The following PLEKHA4 variants were observed in gnomAD, a reference collection of about 807,000 sequenced individuals.
PLEKHA4 encodes the protein pleckstrin homology domain-containing family A member 4.
A neutral mutation model predicts 94.7 loss-of-function variants in PLEKHA4; 73 were observed. The ratio of observed to expected loss-of-function variants is 0.77; its 90% CI spans 0.64 to 0.94. PLEKHA4 has a LOEUF of 0.94. Among genes scored for constraint, PLEKHA4 ranks in the 40% least tolerant of loss-of-function variants. The pLI, the probability that PLEKHA4 is intolerant of heterozygous loss-of-function variation, is 0.00. For missense variants in PLEKHA4, 1,049 were observed against 1,054.1 expected, an observed-to-expected ratio of 1.00 and a Z score of 0.07; for synonymous variants, 449 against 437.1, an observed-to-expected ratio of 1.03 and a Z score of -0.34.
chr19:48,845,329 A>T (rs531423092), intron 16 of PLEKHA4, 41 bp downstream of exon 16: 1 of 1,586,590 alleles, frequency 6.3e-7, no homozygotes, highest in South Asian at 1.1e-5. Flanking sequence ...GGGGTCCCTG[A>T]TGGTCAGATG....
At position 48,837,949 on chromosome 19, in the gene PLEKHA4, C is replaced by A; in HGVS notation, c.2077+68G>T. 7.6e-7 allele frequency: 1 copy of A among 1,321,752 alleles called. No individual in the cohort carries two copies. Among genetic ancestry groups the A allele is most frequent in the Admixed American group, 1.8e-5 (1 of 54,538 alleles). The allele number at this position is 1,321,752 out of a possible 1,614,324, so 81.9% of individuals were successfully genotyped here. Reference sequence around the variant, plus strand: ...GCCCCCAGACCCCTCCTCTCCAGGACCTGGGATTCCAGGTCTCCAGCTCTC... The same window carrying A: ...GCCCCCAGACCCCTCCTCTCCAGGAACTGGGATTCCAGGTCTCCAGCTCTC... On this transcript the variant is annotated intron_variant, in intron 19 of 19. Coordinates refer to ENST00000263265, the MANE Select transcript of PLEKHA4 (RefSeq NM_020904.3). This position sits in a 1 kb window ranked among gnomAD's most constrained non-coding sequence, Gnocchi z 4.3.
rs1206950333 is a variant in PLEKHA4, at chr19:48,844,117, A to ATTT, written c.1743+1250_1743+1252dup. Among the ~76,000 whole-genome samples, 276 of 132,890 alleles carry ATTT rather than the reference A, an allele frequency of 2.1e-3. 1 individual carries two copies. The highest frequency in any genetic ancestry group is 7.1e-3 in the African/African-American group (251 of 35,192). The allele number at this position is 132,890 out of a possible 152,430, so 87.2% of individuals were successfully genotyped here. On this transcript the variant is annotated intron_variant, in intron 16 of 19. Transcript: ENST00000263265. ...CCACTGGCCAAGAAATGCCTTATTT[A>ATTT]TTTTATTATTATTATTATTATTATT... is the stretch of plus-strand genomic sequence containing the variant.
chr19:48,839,815 G>A (rs2122874196), intron 17 of PLEKHA4, among the ~76,000 whole-genome samples: 1 of 152,008 alleles, frequency 6.6e-6, no homozygotes, highest in South Asian at 2.1e-4. Flanking sequence ...AAAAGTCTAA[G>A]GGGCCGGGTC....
intron 12 of PLEKHA4, among the ~76,000 whole-genome samples, 177 bp downstream of exon 12, chr19:48,853,502 CAAA>C (rs35416059): frequency 1.5e-5 from 2 of 135,210 alleles, no homozygotes; most frequent in Admixed American, 7.4e-5. Flanking sequence ...CTGTCCCCCC[CAAA>C]AAAAAAAAAA....
At chr19:48,841,087 CA>C (rs1396513399) in intron 17 of PLEKHA4, 61 bp downstream of exon 17, 1 of 1,487,756 alleles carries the variant, frequency 6.7e-7, no homozygotes, top group African/African-American at 1.4e-5. Context: ...GAAAGGGACT[CA>C]AAGTAGGCGA....
chr19:48,844,005 T>C (rs541815671), intron 16 of PLEKHA4, among the ~76,000 whole-genome samples: 64 of 151,942 alleles, frequency 4.2e-4, no homozygotes, highest in Admixed American at 3.9e-3. Context: ...CTTGCTACGT[T>C]AGCCAGGCTG....
Position 48,838,141 on chromosome 19 carries a change from A to G in PLEKHA4, c.1965-12T>C. On this transcript the variant is annotated splice_polypyrimidine_tract_variant and intron_variant, in intron 18 of 19. Transcript: ENST00000263265. ...TGGTGTTCCTTGGACTAGAAAAAAA[A>G]AGAAGATTGGGGGTGGGGGTGTGTA... 1 of 1,573,076 alleles carries G rather than the reference A, an allele frequency of 6.4e-7. No individual in the cohort carries two copies. The highest frequency in any genetic ancestry group is 2.3e-5 in the East Asian group (1 of 44,252).
At chr19:48,861,833 G>A in intron 3 of PLEKHA4, 141 bp from the exon 4 acceptor site, 3 of 787,858 alleles carry the variant, frequency 3.8e-6, no homozygotes, top group Non-Finnish European at 6.4e-6. Context: ...GGGATCAAGA[G>A]AGTGGGGTGA....
intron 3 of PLEKHA4, among the ~76,000 whole-genome samples, chr19:48,863,432 GT>G (rs113645066): frequency 0.21 from 22,401 of 104,558 alleles, 2,541 homozygotes; most frequent in African/African-American, 0.39. Flanking sequence ...TAGGTTTTTT[GT>G]TTTTTTTTTT....
At chr19:48,864,777 C>T (rs2036773316) in intron 3 of PLEKHA4, among the ~76,000 whole-genome samples, 1 of 151,638 alleles carries the variant, frequency 6.6e-6, no homozygotes, top group African/African-American at 2.4e-5. Context: ...CTTCATGTTG[C>T]CCAGGCTGGT....
At chr19:48,863,985 C>T (rs1046139951) in intron 3 of PLEKHA4, among the ~76,000 whole-genome samples, 1 of 152,168 alleles carries the variant, frequency 6.6e-6, no homozygotes, top group Non-Finnish European at 1.5e-5. Flanking sequence ...TTTGGCAAAT[C>T]TATGATGGTA....
In PLEKHA4 at chr19:48,852,262, G is replaced by T. The variant is rs192010295; in HGVS notation, c.1391C>A (p.Thr464Lys). The change falls in exon 13 of 20, where the codon ACG becomes AAG. Residue 464 changes from threonine (T) to lysine (K), a missense_variant. By Grantham distance (78) the Thr-to-Lys change is moderately conservative. Transcript: ENST00000263265. ...LEQELGTLRE[T>K]LEYLLHLGSP... The stretch of plus-strand genomic sequence containing the variant: ...ACCAAGGTGCAGCAGGTACTCCAGC[G>T]TCTCTCTTAAGGTGCCCAGCTCCTG... 1.2e-6 allele frequency: 2 copies of T among 1,614,044 alleles called. No individual in the cohort carries two copies. The highest frequency in any genetic ancestry group is 1.7e-6 in the Non-Finnish European group (2 of 1,180,004).
At chr19:48,864,518 A>C (rs760933083) in intron 3 of PLEKHA4, among the ~76,000 whole-genome samples, 2 of 151,966 alleles carry the variant, frequency 1.3e-5, no homozygotes, top group African/African-American at 2.4e-5. Flanking sequence ...TGTCAAATTG[A>C]AGTTCTCCTC....
chr19:48,837,162 C>G lies in PLEKHA4; in HGVS notation c.*127G>C. 7.2e-7 allele frequency: 1 copy of G among 1,380,968 alleles called. No individual in the cohort carries two copies. The highest frequency in any genetic ancestry group is 1.0e-6 in the Non-Finnish European group (1 of 986,968). 85.5% of individuals were successfully genotyped at this position (1,380,968 alleles called of 1,614,324 possible). A position where few individuals can be genotyped will look rare whatever the true frequency, so the allele number is the denominator to read the frequency against. On this transcript the variant is annotated 3_prime_UTR_variant, in exon 20 of 20. Transcript: ENST00000263265. The surrounding 1 kb of genome is among the most constrained non-coding windows in gnomAD (Gnocchi z 4.3). Reference sequence around the variant, plus strand: ...GAAAACCAAACTTTGGCCATAGAAACCATTCCCCTCCCGGGCCCGCAATGG... The same window carrying G: ...GAAAACCAAACTTTGGCCATAGAAAGCATTCCCCTCCCGGGCCCGCAATGG...
chr19:48,854,861 A>G (rs753084470), intron 9 of PLEKHA4, among the ~76,000 whole-genome samples: 12 of 151,536 alleles, frequency 7.9e-5, no homozygotes, highest in Non-Finnish European at 1.6e-4. Context: ...CACCGGTGCC[A>G]GCTAAGGTTG....
At chr19:48,858,013 T>C (rs563695853) in intron 8 of PLEKHA4, among the ~76,000 whole-genome samples, 82 of 152,154 alleles carry the variant, frequency 5.4e-4, no homozygotes, top group Middle Eastern at 6.8e-3. Flanking sequence ...TAGGAGATAT[T>C]TTGAGGTTCA....
chr19:48,847,784 T>C (rs2036022693), intron 14 of PLEKHA4, 116 bp downstream of exon 14: 3 of 1,246,020 alleles, frequency 2.4e-6, no homozygotes, highest in Non-Finnish European at 3.2e-6. Context: ...TTAGGACACT[T>C]GTACCAGGTG....
intron 13 of PLEKHA4, among the ~76,000 whole-genome samples, chr19:48,850,730 T>A (rs1157932132): frequency 2.0e-5 from 3 of 151,908 alleles, no homozygotes; most frequent in Non-Finnish European, 4.4e-5. Context: ...GGCAGGAGAA[T>A]TGCTTGAACC....
rs962976816 is a variant in PLEKHA4 at position 48,867,880 on chromosome 19, C to T, written c.-7+203G>A. Among the ~76,000 whole-genome samples, 4 of 152,090 alleles carry T rather than the reference C, an allele frequency of 2.6e-5. No homozygotes were observed. Among genetic ancestry groups the T allele is most frequent in the African/African-American group, 7.2e-5 (3 of 41,388 alleles). ...AGAATAGGGGCTTCTTTATTCCTGCCCACTGCACTCAGGCCAGGAATTTGA... is the reference window on the plus strand; with the variant it reads ...AGAATAGGGGCTTCTTTATTCCTGCTCACTGCACTCAGGCCAGGAATTTGA... On this transcript the variant is annotated intron_variant, in intron 1 of 19. Coordinates refer to ENST00000263265, the MANE Select transcript of PLEKHA4 (RefSeq NM_020904.3). This position sits in a 1 kb window ranked among gnomAD's most constrained non-coding sequence, Gnocchi z 4.7.
Sources: gnomAD v4.1 joint callset for allele counts (sites outside exome capture counted in the v4.1 genomes callset) on GRCh38, gnomAD v4.1.1 for gene constraint, Gnocchi (gnomAD v3.1) non-coding constraint, MANE v1.5 for transcripts, NCBI Gene and HGNC (gene_info 2026-07-23, HGNC 2026-07-21) for gene names.